ZNRF1: variants seen among roughly 807,000 people sequenced by gnomAD.
The protein encoded by ZNRF1 is zinc and ring finger 1, also known as E3 ubiquitin-protein ligase ZNRF1.
Under a neutral mutation model 18.4 loss-of-function variants are expected in ZNRF1, and 3 were observed. That is an observed-to-expected ratio of 0.16 (90% confidence interval 0.07 to 0.42). The LOEUF is 0.42. Ranked by LOEUF, ZNRF1 falls within the 10% of genes least tolerant of loss-of-function variation. ZNRF1 has a pLI of 0.99. For missense variants in ZNRF1, 310 were observed against 329.8 expected (o/e 0.94, Z 0.47); for synonymous variants, 157 against 144.2 (o/e 1.09, Z -0.64).
chr16:75,007,630 C>T (rs190786118), intron 1 of ZNRF1, among the ~76,000 whole-genome samples: 1 of 152,276 alleles, frequency 6.6e-6, no homozygotes, highest in Non-Finnish European at 1.5e-5. Flanking sequence ...CTTAAAGGTG[C>T]TCAGTATTCT....
intron 1 of ZNRF1, among the ~76,000 whole-genome samples, chr16:75,083,242 C>T (rs986302246): frequency 6.6e-6 from 1 of 152,146 alleles, no homozygotes; most frequent in Admixed American, 6.5e-5. Flanking sequence ...TGGATGCAGC[C>T]GATAAAATGG....
Position 74,999,964 on chromosome 16 carries a change from C to A in ZNRF1, c.293C>A (p.Ala98Asp). ...GGGSASDSTYAHGNGYQETGG... is the reference protein window; with the variant it reads ...GGGSASDSTYDHGNGYQETGG... ...GGGTCTGCGTCCGACTCCACCTATG[C>A]CCATGGCAATGGTTACCAGGAGACG... The change falls in exon 1 of 5, where the codon GCC (alanine) becomes GAC (aspartate). Residue 98 changes from alanine (A) to aspartate (D), a missense_variant. Ala to Asp is a moderately radical substitution (Grantham distance 126). Transcript: ENST00000335325. 1 of 1,581,294 alleles carries A rather than the reference C, an allele frequency of 6.3e-7. No individual in the cohort carries two copies. Among genetic ancestry groups the A allele is most frequent in the Non-Finnish European group, 8.6e-7 (1 of 1,164,568 alleles).
rs540185337 is a variant in ZNRF1 at position 75,075,315 on chromosome 16, C to T, written c.425-18257C>T. 2.0e-3 allele frequency among the ~76,000 whole-genome samples: 307 copies of T among 152,382 alleles called. 1 individual carries two copies. Among genetic ancestry groups the T allele is most frequent in the African/African-American group, 7.0e-3 (290 of 41,604 alleles). ...GCACACCACAGCATGGTGGCAGGGGCGCCTGCAGTCTGTGCACATGCACAC... is the reference window on the plus strand; with the variant it reads ...GCACACCACAGCATGGTGGCAGGGGTGCCTGCAGTCTGTGCACATGCACAC... On this transcript the variant is annotated intron_variant, in intron 1 of 4. Transcript: ENST00000335325.
Position 74,999,631 on chromosome 16 carries a change from C to T in ZNRF1, c.-41C>T. 1 of 1,308,772 alleles carries T rather than the reference C, an allele frequency of 7.6e-7. No homozygotes were observed. The highest frequency in any genetic ancestry group is 9.7e-7 in the Non-Finnish European group (1 of 1,028,988). The allele number at this position is 1,308,772 out of a possible 1,614,324, so 81.1% of individuals were successfully genotyped here. ...CTGCTGCTGAGAAGTGGGGGAGGGT[C>T]TCGGCCTCCAGGTTCCCGCCCCACC... On this transcript the variant is annotated 5_prime_UTR_variant, in exon 1 of 5. Transcript: ENST00000335325.
Position 75,020,540 on chromosome 16 carries a change from CTTTTCTTTTCTTTTT to C in ZNRF1, c.424+20450_424+20464del, listed in dbSNP as rs762849669. ...TTTCTCCTTTTCAGTCTTTTCTTTT[CTTTTCTTTTCTTTTT>C]TTTTGAGATGGAGTCTCGCTGTGTC... On this transcript the variant is annotated intron_variant, in intron 1 of 4. Coordinates refer to ENST00000335325, the MANE Select transcript of ZNRF1 (RefSeq NM_032268.5). Among the ~76,000 whole-genome samples the C allele has an allele frequency of 9.2e-5, 14 of 151,466 alleles. 2 individuals are homozygous for C. Among genetic ancestry groups the C allele is most frequent in the East Asian group, 7.8e-4 (4 of 5,154 alleles).
intron 1 of ZNRF1, among the ~76,000 whole-genome samples, chr16:75,066,076 C>T (rs929045360): frequency 3.9e-5 from 6 of 152,202 alleles, no homozygotes; most frequent in African/African-American, 1.2e-4. Flanking sequence ...GCTCCAAACT[C>T]GTTTCCCATT....
At chr16:75,066,762 C>T (rs369327002) in intron 1 of ZNRF1, among the ~76,000 whole-genome samples, 2 of 151,966 alleles carry the variant, frequency 1.3e-5, no homozygotes, top group South Asian at 2.1e-4. Context: ...CCTTGGCCTC[C>T]CAAAGTGCTA....
chr16:74,999,581 C>A lies in ZNRF1; in HGVS notation c.-91C>A, dbSNP rs1406447026. On this transcript the variant is annotated 5_prime_UTR_variant, in exon 1 of 5. Transcript: ENST00000335325. Reference sequence around the variant, plus strand: ...CGGGTCTCCTTTTTGACTCCCTCCCCCTTTATGCTCGCCCAGCCCTCCCCC... The same window carrying A: ...CGGGTCTCCTTTTTGACTCCCTCCCACTTTATGCTCGCCCAGCCCTCCCCC... The A allele has an allele frequency of 2.0e-6, 2 of 984,674 alleles. No homozygotes were observed. The highest frequency in any genetic ancestry group is 3.5e-5 in the South Asian group (1 of 28,658). 61.0% of individuals were successfully genotyped at this position (984,674 alleles called of 1,614,324 possible).
intron 1 of ZNRF1, among the ~76,000 whole-genome samples, chr16:75,020,329 T>A (rs2145335164): frequency 6.6e-6 from 1 of 152,248 alleles, no homozygotes; most frequent in East Asian, 1.9e-4. Context: ...TATAGTTGGA[T>A]TTTTTTCCAG....
chr16:75,045,205 A>G (rs2035500040), intron 1 of ZNRF1, among the ~76,000 whole-genome samples: 2 of 152,194 alleles, frequency 1.3e-5, no homozygotes, highest in Admixed American at 6.5e-5. Flanking sequence ...CATGCAAACT[A>G]TGTTCCCCAT....
intron 1 of ZNRF1, among the ~76,000 whole-genome samples, chr16:75,084,050 C>G (rs2036046322): frequency 1.3e-5 from 2 of 152,166 alleles, no homozygotes; most frequent in African/African-American, 4.8e-5. Context: ...ACTCAGGGAC[C>G]TAAGCCAGCA....
rs2034795044 is a variant in ZNRF1 at position 74,999,031 on chromosome 16, CCA to C, written c.-639_-638del. On this transcript the variant is annotated 5_prime_UTR_variant, in exon 1 of 5. Transcript: ENST00000335325. ...TGCGCTCTGCCGCCCTCCATTGTCTCCACGGCGGCGAGGAGCGCCGGCGAGCG... is the reference window on the plus strand; with the variant it reads ...TGCGCTCTGCCGCCCTCCATTGTCTCCGGCGGCGAGGAGCGCCGGCGAGCG... 2.0e-5 allele frequency: 3 copies of C among 151,068 alleles called. No individual in the cohort carries two copies. The highest frequency in any genetic ancestry group is 7.3e-5 in the African/African-American group (3 of 41,246). 9.4% of individuals were successfully genotyped at this position (151,068 alleles called of 1,614,324 possible). A position where few individuals can be genotyped will look rare whatever the true frequency, so the allele number is the denominator to read the frequency against.
Position 75,063,259 on chromosome 16 carries a change from C to G in ZNRF1, c.425-30313C>G, listed in dbSNP as rs146909254. ...GCTCACAGCCGGACTCTGGAAAGCC[C>G]CAGGTCATTCCTCCTACCCTGATCT... On this transcript the variant is annotated intron_variant, in intron 1 of 4. Transcript: ENST00000335325. 2.1e-4 allele frequency among the ~76,000 whole-genome samples: 32 copies of G among 152,300 alleles called. No homozygotes were observed. In the East Asian group the frequency reaches 5.8e-3, roughly 28 times the overall value.
intron 1 of ZNRF1, among the ~76,000 whole-genome samples, chr16:75,090,398 G>C (rs1347408463): frequency 6.6e-6 from 1 of 152,070 alleles, no homozygotes; most frequent in East Asian, 1.9e-4. Context: ...TGTCCTTTTT[G>C]TGGAGAACGG....
rs374451771 is a variant in ZNRF1 at position 75,073,118 on chromosome 16, ATCTCTC to A, written c.425-20424_425-20419del. ...AACCTGGGTAACATAGTGAGACCCC[ATCTCTC>A]TCTCTCTCTCTCTCTCTCTCTCTCT... On this transcript the variant is annotated intron_variant, in intron 1 of 4. Transcript: ENST00000335325. Among the ~76,000 whole-genome samples the A allele has an allele frequency of 6.0e-3, 765 of 128,432 alleles. 5 individuals are homozygous for A. Among genetic ancestry groups the A allele is most frequent in the African/African-American group, 0.021 (707 of 33,246 alleles). The allele number at this position is 128,432 out of a possible 152,430, so 84.3% of individuals were successfully genotyped here.
intron 1 of ZNRF1, among the ~76,000 whole-genome samples, chr16:75,007,745 G>A (rs1421732106): frequency 6.6e-6 from 1 of 152,188 alleles, no homozygotes; most frequent in East Asian, 1.9e-4. Context: ...CTGAAAACAA[G>A]AAGACCTTCT....
At chr16:75,103,036 C>A (rs149900564) in intron 2 of ZNRF1, among the ~76,000 whole-genome samples, 8 of 152,328 alleles carry the variant, frequency 5.3e-5, no homozygotes, top group Admixed American at 4.6e-4. Context: ...GATGAGGTCT[C>A]TTTCCCCATA....
At chr16:75,074,396 A>G (rs1214542335) in intron 1 of ZNRF1, among the ~76,000 whole-genome samples, 1 of 152,210 alleles carries the variant, frequency 6.6e-6, no homozygotes, top group African/African-American at 2.4e-5. Context: ...ACAGTGCTGC[A>G]TAAGTTGGTG....
At chr16:75,023,549 TG>T (rs1178911021) in intron 1 of ZNRF1, among the ~76,000 whole-genome samples, 1 of 152,068 alleles carries the variant, frequency 6.6e-6, no homozygotes, top group Non-Finnish European at 1.5e-5. Context: ...TTGGGCGTGG[TG>T]GCAGGCACCT....
Sources: allele counts gnomAD v4.1 joint callset (sites outside exome capture counted in the v4.1 genomes callset), GRCh38; gene constraint gnomAD v4.1.1; transcripts MANE v1.5; gene names NCBI Gene and HGNC (gene_info 2026-07-23, HGNC 2026-07-21).